The following PTPN14 variants were observed in gnomAD, a reference collection of about 807,000 sequenced individuals.
The protein encoded by PTPN14 is protein tyrosine phosphatase non-receptor type 14.
In PTPN14, 53 loss-of-function variants were observed where a neutral mutation model predicts 126.8. The observed-to-expected ratio is 0.42, with a 90% CI of 0.34 to 0.53. PTPN14 has a LOEUF of 0.53. Ranked by LOEUF, PTPN14 falls within the 20% of genes least tolerant of loss-of-function variation. The pLI is 0.08. For synonymous variants in PTPN14, 630 were observed against 599.3 expected, an observed-to-expected ratio of 1.05 and a Z score of -0.75; for missense variants, 1,257 against 1,552.9, an observed-to-expected ratio of 0.81 and a Z score of 3.20.
chr1:214,527,712 T>C (rs1394184263), intron 1 of PTPN14, among the ~76,000 whole-genome samples: 1 of 152,206 alleles, frequency 6.6e-6, no homozygotes, highest in East Asian at 1.9e-4. Context: ...AAATGCATGC[T>C]GAGGAACACA....
At chr1:214,534,326 GT>G (rs1187905252) in intron 1 of PTPN14, among the ~76,000 whole-genome samples, 2 of 152,148 alleles carry the variant, frequency 1.3e-5, no homozygotes, top group African/African-American at 4.8e-5. Flanking sequence ...GTTCATCTAT[GT>G]TTATAGTGAT....
intron 1 of PTPN14, among the ~76,000 whole-genome samples, chr1:214,469,901 T>C (rs1176057212): frequency 2.0e-5 from 3 of 152,024 alleles, no homozygotes; most frequent in Non-Finnish European, 4.4e-5. Flanking sequence ...AAAAATCGAG[T>C]CTATTTTTAA....
rs760810804 is a variant in PTPN14 at position 214,383,956 on chromosome 1, G to A, written c.1899C>T (p.His633=). The A allele has an allele frequency of 8.1e-6, 13 of 1,612,718 alleles. No individual in the cohort carries two copies. The highest frequency in any genetic ancestry group is 1.6e-4 in the Middle Eastern group (1 of 6,062). Residue 633 remains histidine, a synonymous_variant, in exon 13 of 19, where the codon CAC becomes CAT. Coordinates refer to ENST00000366956, the MANE Select transcript of PTPN14 (RefSeq NM_005401.5). This position sits in a 1 kb window ranked among gnomAD's most constrained non-coding sequence, Gnocchi z 4.4. ...EVSEPLTATK[H]HGTVNKRHSL... is the part of the protein sequence containing the mutation. ...TGTGGCGCTTGTTCACAGTGCCGTG[G>A]TGCTTGGTGGCCGTGAGGGGCTCGC...
At chr1:214,392,155 C>T (rs558088409) in intron 10 of PTPN14, among the ~76,000 whole-genome samples, 2 of 151,778 alleles carry the variant, frequency 1.3e-5, no homozygotes, top group African/African-American at 2.4e-5. Flanking sequence ...CGTGCTGGGA[C>T]GCTGAACTGC....
intron 3 of PTPN14, among the ~76,000 whole-genome samples, chr1:214,449,011 C>CTT (rs71165970): frequency 3.6e-5 from 4 of 112,468 alleles, no homozygotes; most frequent in African/African-American, 1.1e-4. Flanking sequence ...CTTAATTTTT[C>CTT]TTTTTTTTTT....
chr1:214,507,862 T>TC (rs1162361222), intron 1 of PTPN14, among the ~76,000 whole-genome samples: 1 of 152,174 alleles, frequency 6.6e-6, no homozygotes, highest in Non-Finnish European at 1.5e-5. Context: ...TTTATTGTAG[T>TC]CCCCACTACT....
chr1:214,365,066 A>G (rs961473516), intron 17 of PTPN14, among the ~76,000 whole-genome samples: 4 of 152,120 alleles, frequency 2.6e-5, no homozygotes, highest in African/African-American at 4.8e-5. Flanking sequence ...ACAACTGCTA[A>G]GTCCCCTTGA....
chr1:214,484,943 T>C (rs1286653864), intron 1 of PTPN14, among the ~76,000 whole-genome samples: 3 of 152,172 alleles, frequency 2.0e-5, no homozygotes, highest in South Asian at 2.1e-4. Flanking sequence ...AAGACTTAGA[T>C]GTTCAAGGAA....
At chr1:214,443,927 A>T (rs1163624499) in intron 3 of PTPN14, among the ~76,000 whole-genome samples, 1 of 152,200 alleles carries the variant, frequency 6.6e-6, no homozygotes, top group Non-Finnish European at 1.5e-5. Flanking sequence ...ACTTCTAGTA[A>T]ATCAAATACA....
chr1:214,482,087 A>C (rs116701914), intron 1 of PTPN14, among the ~76,000 whole-genome samples: 4,568 of 152,238 alleles, frequency 0.03, 101 homozygotes, highest in Middle Eastern at 0.058. Context: ...TGGACACACA[A>C]AAAAAGTAAT....
At chr1:214,535,615 T>TA (rs1476911280) in intron 1 of PTPN14, among the ~76,000 whole-genome samples, 1 of 151,684 alleles carries the variant, frequency 6.6e-6, no homozygotes, top group Non-Finnish European at 1.5e-5. Context: ...CCATCTCTAC[T>TA]AAAAAATACA....
chr1:214,456,692 C>A (rs1660390763), intron 2 of PTPN14, among the ~76,000 whole-genome samples: 2 of 152,140 alleles, frequency 1.3e-5, no homozygotes. Context: ...CTAGAATACA[C>A]AGAAAGATGA....
intron 13 of PTPN14, among the ~76,000 whole-genome samples, chr1:214,380,383 C>A (rs1328340016): frequency 6.6e-6 from 1 of 152,130 alleles, no homozygotes; most frequent in Non-Finnish European, 1.5e-5. Context: ...TGATCCTTCT[C>A]ACTCACCCTA....
intron 1 of PTPN14, among the ~76,000 whole-genome samples, chr1:214,486,533 T>C (rs1222557903): frequency 2.0e-5 from 3 of 152,224 alleles, no homozygotes; most frequent in African/African-American, 7.2e-5. Flanking sequence ...ATAAAACTAC[T>C]TACCACATTA....
At chr1:214,414,486 T>G (rs1379094522) in intron 4 of PTPN14, 143 bp downstream of exon 4, 5 of 817,418 alleles carry the variant, frequency 6.1e-6, no homozygotes, top group Non-Finnish European at 7.7e-6. Flanking sequence ...ACTTTGCATT[T>G]TTCACGTAAG....
chr1:214,471,758 C>T (rs183885035), intron 1 of PTPN14, among the ~76,000 whole-genome samples: 7 of 152,222 alleles, frequency 4.6e-5, no homozygotes, highest in African/African-American at 1.7e-4. Context: ...GGTTATCCCA[C>T]AAACTCAGAC....
chr1:214,514,008 A>G (rs945806523), intron 1 of PTPN14, among the ~76,000 whole-genome samples: 1 of 152,166 alleles, frequency 6.6e-6, no homozygotes, highest in Non-Finnish European at 1.5e-5. Context: ...GGCCTGCCCA[A>G]TTGTGAAAGG....
chr1:214,414,842 A>G, intron 3 of PTPN14, 116 bp from the exon 4 acceptor site: 1 of 776,772 alleles, frequency 1.3e-6, no homozygotes, highest in Non-Finnish European at 2.2e-6. Context: ...CATGCCTGTG[A>G]TGCTGATAAA....
intron 1 of PTPN14, among the ~76,000 whole-genome samples, chr1:214,537,978 C>CT (rs914698659): frequency 6.6e-6 from 1 of 151,944 alleles, no homozygotes; most frequent in Non-Finnish European, 1.5e-5. Flanking sequence ...AGATATTTTA[C>CT]TTTTTTTTGA....
Sources: gnomAD v4.1 joint callset for allele counts (sites outside exome capture counted in the v4.1 genomes callset) on GRCh38, gnomAD v4.1.1 for gene constraint, Gnocchi (gnomAD v3.1) non-coding constraint, MANE v1.5 for transcripts, NCBI Gene and HGNC (gene_info 2026-07-23, HGNC 2026-07-21) for gene names.